NCAPG: variants seen among roughly 807,000 people sequenced by gnomAD.
NCAPG encodes the protein non-SMC condensin I complex subunit G.
Under a neutral mutation model 113.1 loss-of-function variants are expected in NCAPG, and 69 were observed. The observed-to-expected ratio is 0.61, with a 90% CI of 0.50 to 0.75. The LOEUF (loss-of-function observed/expected upper bound fraction) is 0.75, where lower values mean the gene tolerates loss of function less well. Ranked by LOEUF, NCAPG falls within the 30% of genes least tolerant of loss-of-function variation. NCAPG has a pLI of 0.00. For missense variants in NCAPG, 1,058 were observed against 1,177.0 expected, an observed-to-expected ratio of 0.90 and a Z score of 1.48; for synonymous variants, 370 against 415.8, an observed-to-expected ratio of 0.89 and a Z score of 1.34.
rs1721065803 is a variant in NCAPG, at chr4:17,813,135, A to G, written c.534A>G (p.Pro178=). 3 of 1,613,078 alleles carry G rather than the reference A, an allele frequency of 1.9e-6. No individual in the cohort carries two copies. The highest frequency in any genetic ancestry group is 1.7e-6 in the Non-Finnish European group (2 of 1,179,092). ...AGGATCCCAAGGATGATGAATGCCCAGTGGTTAATGGTGTGTGTAGTTTCC... is the reference window on the plus strand; with the variant it reads ...AGGATCCCAAGGATGATGAATGCCCGGTGGTTAATGGTGTGTGTAGTTTCC... ...RLQDPKDDEC[P]VVNAYATLIE... Residue 178 remains proline, a synonymous_variant, in exon 3 of 21, where the codon CCA becomes CCG. Transcript: ENST00000251496.
At chr4:17,824,262 A>C (rs572177603) in intron 9 of NCAPG, among the ~76,000 whole-genome samples, 1 of 152,290 alleles carries the variant, frequency 6.6e-6, no homozygotes, top group South Asian at 2.1e-4. Context: ...TAAATACAGA[A>C]ATAATTGTTT....
chr4:17,821,353 T>C (rs1052843794), intron 7 of NCAPG, among the ~76,000 whole-genome samples: 13 of 152,118 alleles, frequency 8.5e-5, no homozygotes, highest in African/African-American at 3.1e-4. Flanking sequence ...GGCCAGAAAT[T>C]TATGAGCTTT....
At position 17,837,683 on chromosome 4, in the gene NCAPG, A is replaced by G. The variant is rs762738827; in HGVS notation, c.2348A>G (p.Asn783Ser). ...CTTCCAACCCTGCAAACACTGGCCA[A>G]TGCCCCTGCATCTTCTCCTTTAGCT... Reference protein sequence around the residue: ...AFLPTLQTLANAPASSPLAEI... With the variant: ...AFLPTLQTLASAPASSPLAEI... Residue 783 changes from asparagine to serine, a missense_variant, in exon 16 of 21, where the codon AAT (asparagine) becomes AGT (serine). Coordinates refer to ENST00000251496, the MANE Select transcript of NCAPG (RefSeq NM_022346.5). 27 of 1,613,868 alleles carry G rather than the reference A, an allele frequency of 1.7e-5. No individual in the cohort carries two copies. Among genetic ancestry groups the G allele is most frequent in the East Asian group, 2.2e-5 (1 of 44,882 alleles).
intron 18 of NCAPG, 61 bp from the exon 19 acceptor site, chr4:17,840,546 A>T: frequency 9.7e-7 from 1 of 1,031,692 alleles, no homozygotes; most frequent in East Asian, 3.1e-5. Flanking sequence ...TCTTAAAAAG[A>T]CAATTTAAAA....
chr4:17,833,371 A>T (rs1462605664), intron 13 of NCAPG, among the ~76,000 whole-genome samples: 1 of 151,890 alleles, frequency 6.6e-6, no homozygotes, highest in African/African-American at 2.4e-5. Flanking sequence ...AGGCAGGAGA[A>T]TCGCTTGAAC....
At chr4:17,840,037 G>A (rs1296982702) in intron 17 of NCAPG, 34 bp from the exon 18 acceptor site, 2 of 1,578,402 alleles carry the variant, frequency 1.3e-6, no homozygotes, top group Non-Finnish European at 1.7e-6. Flanking sequence ...GGAATGCGGT[G>A]TTTACAAAAT....
chr4:17,843,235 TTTTA>T, intron 20 of NCAPG, 63 bp from the exon 21 acceptor site: 1 of 1,527,594 alleles, frequency 6.5e-7, no homozygotes, highest in East Asian at 2.3e-5. Flanking sequence ...AACAAAAAAG[TTTTA>T]TTTATAAATA....
Position 17,811,152 on chromosome 4 carries a change from G to A in NCAPG, c.75G>A (p.Ala25=). ...CGCAGCAGCCGCACCAGAACCAGGC[G>A]AAGCTGGTGGTGGCGCTGAGCCGCA... ...RLAQQPHQNQ[A]KLVVALSRTY... is the part of the protein sequence containing the mutation. Residue 25 remains alanine (A), a synonymous_variant, in exon 1 of 21, where the codon GCG becomes GCA. Transcript: ENST00000251496. The surrounding 1 kb of genome is among the most constrained non-coding windows in gnomAD (Gnocchi z 5.3). The A allele has an allele frequency of 1.3e-6, 2 of 1,517,280 alleles. No homozygotes were observed. Among genetic ancestry groups the A allele is most frequent in the Non-Finnish European group, 8.8e-7 (1 of 1,132,042 alleles). The allele number at this position is 1,517,280 out of a possible 1,614,324, so 94.0% of individuals were successfully genotyped here.
chr4:17,828,336 T>C lies in NCAPG; in HGVS notation c.1712T>C (p.Met571Thr). The C allele has an allele frequency of 6.2e-7, 1 of 1,609,206 alleles. No individual in the cohort carries two copies. The highest frequency in any genetic ancestry group is 8.5e-7 in the Non-Finnish European group (1 of 1,177,458). The change falls in exon 12 of 21, where the codon ATG becomes ACG. Residue 571 changes from methionine to threonine, a missense_variant. By Grantham distance (81) the Met-to-Thr change is moderately conservative. Coordinates refer to ENST00000251496, the MANE Select transcript of NCAPG (RefSeq NM_022346.5). ...TTATGCTATGAACTGTTGAAGCAGA[T>C]GTCCATTTCAACAGGCTTAAGTGCA... ...LILCYELLKQ[M>T]SISTGLSATM...
At chr4:17,822,936 T>C in intron 7 of NCAPG, 47 bp from the exon 8 acceptor site, 1 of 1,492,454 alleles carries the variant, frequency 6.7e-7, no homozygotes, top group Non-Finnish European at 9.0e-7. Flanking sequence ...CAACTCTTGT[T>C]TGATGTTTCT....
rs1237061160 is a variant in NCAPG, at chr4:17,831,050, A to T, written c.1818A>T (p.Leu606Phe). ...IHPVVRNLAVLCLGCCGLQNQ... is the reference protein window; with the variant it reads ...IHPVVRNLAVFCLGCCGLQNQ... Reference sequence around the variant, plus strand: ...CTGTTGTAAGAAACCTGGCTGTTTTATGCTTGGGATGCTGTGGACTACAGA... The same window carrying T: ...CTGTTGTAAGAAACCTGGCTGTTTTTTGCTTGGGATGCTGTGGACTACAGA... The change falls in exon 13 of 21, where the codon TTA becomes TTT. Residue 606 changes from leucine to phenylalanine, a missense_variant. Transcript: ENST00000251496. The T allele has an allele frequency of 6.2e-7, 1 of 1,613,672 alleles. No individual in the cohort carries two copies. Among genetic ancestry groups the T allele is most frequent in the Admixed American group, 1.7e-5 (1 of 59,988 alleles).
rs762447934 is a variant in NCAPG at position 17,834,308 on chromosome 4, A to G, written c.1894A>G (p.Ile632Val). Residue 632 changes from isoleucine to valine, a missense_variant, in exon 14 of 21, where the codon ATT becomes GTT. Ile to Val is a conservative substitution (Grantham distance 29). Transcript: ENST00000251496. ...HFVLLLQVLQ[I>V]DDVTIKISAL... ...GAATATCTTGATTTAGGTTTTGCAA[A>G]TTGATGATGTCACAATAAAAATAAG... 5.1e-6 allele frequency: 8 copies of G among 1,582,044 alleles called. No individual in the cohort carries two copies. The highest frequency in any genetic ancestry group is 6.9e-6 in the Non-Finnish European group (8 of 1,165,060).
Position 17,823,769 on chromosome 4 carries a change from T to C in NCAPG, c.1382T>C (p.Ile461Thr). 8.2e-6 allele frequency: 13 copies of C among 1,589,772 alleles called. No individual in the cohort carries two copies. Among genetic ancestry groups the C allele is most frequent in the Non-Finnish European group, 1.1e-5 (13 of 1,163,094 alleles). Residue 461 changes from isoleucine (I) to threonine (T), a missense_variant and splice_region_variant, in exon 9 of 21, where the codon ATT becomes ACT. Coordinates refer to ENST00000251496, the MANE Select transcript of NCAPG (RefSeq NM_022346.5). ...IIIDDNKRTQIVTEIISEIRA... is the reference protein window; with the variant it reads ...IIIDDNKRTQTVTEIISEIRA... ...ATAGATGATAATAAGAGAACACAAA[T>C]TGTAAGTAATTTTCCTCATTGTTGA...
Position 17,836,681 on chromosome 4 carries a change from C to T in NCAPG, c.2110-478C>T, listed in dbSNP as rs544966778. On this transcript the variant is annotated intron_variant, in intron 14 of 20. Coordinates refer to ENST00000251496, the MANE Select transcript of NCAPG (RefSeq NM_022346.5). ...TGTCTTTTCCTTTGTCTTCTCTAGA[C>T]TTTTGTTTACTTTTTCTAGGAATGC... Among the ~76,000 whole-genome samples the T allele has an allele frequency of 3.9e-5, 6 of 152,208 alleles. No homozygotes were observed. The South Asian group carries it at 1.2e-3, about 32-fold the overall frequency.
intron 3 of NCAPG, among the ~76,000 whole-genome samples, chr4:17,813,757 G>A (rs139929111): frequency 2.0e-5 from 3 of 151,838 alleles, no homozygotes; most frequent in Non-Finnish European, 2.9e-5. Flanking sequence ...ATTATGATTC[G>A]TATTTTTTAA....
At chr4:17,838,629 T>C (rs1444887989) in intron 16 of NCAPG, among the ~76,000 whole-genome samples, 1 of 152,140 alleles carries the variant, frequency 6.6e-6, no homozygotes, top group Non-Finnish European at 1.5e-5. Flanking sequence ...AAAGGTGATA[T>C]ATGTAGATGG....
intron 5 of NCAPG, 52 bp downstream of exon 5, chr4:17,815,410 A>G (rs772929707): frequency 3.0e-6 from 4 of 1,354,112 alleles, no homozygotes; most frequent in Non-Finnish European, 4.1e-6. Flanking sequence ...TTGAGGTCAG[A>G]CTTAACAAGG....
rs749172145 is a variant in NCAPG at position 17,823,124 on chromosome 4, G to A, written c.1259+1G>A. On this transcript the variant is annotated splice_donor_variant, in intron 8 of 20. Transcript: ENST00000251496. LOFTEE classifies it high-confidence loss of function. Reference sequence around the variant, plus strand: ...TGGATACCAGTGAAGAAGGAGGAAGGTATGTCTAAATGTTAACACTCATTC... The same window carrying A: ...TGGATACCAGTGAAGAAGGAGGAAGATATGTCTAAATGTTAACACTCATTC... The A allele has an allele frequency of 6.2e-7, 1 of 1,606,628 alleles. No homozygotes were observed. The highest frequency in any genetic ancestry group is 8.5e-7 in the Non-Finnish European group (1 of 1,176,972).
chr4:17,839,757 T>C lies in NCAPG; in HGVS notation c.2548T>C (p.Tyr850His). Residue 850 changes from tyrosine (Y) to histidine (H), a missense_variant, in exon 17 of 21, where the codon TAT becomes CAT. Physicochemically the swap from Tyr to His is moderately conservative, Grantham distance 83. Transcript: ENST00000251496. ...TSPCSPEIRV[Y>H]TKALSSLELS... Reference sequence around the variant, plus strand: ...TCCGTGCTCGCCAGAAATTCGAGTCTATACAAAAGCCTTGAGTTCTTTAGA... The same window carrying C: ...TCCGTGCTCGCCAGAAATTCGAGTCCATACAAAAGCCTTGAGTTCTTTAGA... 3 of 1,585,210 alleles carry C rather than the reference T, an allele frequency of 1.9e-6. No homozygotes were observed. Among genetic ancestry groups the C allele is most frequent in the Non-Finnish European group, 2.6e-6 (3 of 1,173,068 alleles).
Sources: gnomAD v4.1 joint callset for allele counts (sites outside exome capture counted in the v4.1 genomes callset) on GRCh38, gnomAD v4.1.1 for gene constraint, Gnocchi (gnomAD v3.1) non-coding constraint, MANE v1.5 for transcripts, NCBI Gene and HGNC (gene_info 2026-07-23, HGNC 2026-07-21) for gene names.